Variants in TNIP1 observed in about 807,000 individuals in gnomAD.
The protein encoded by TNIP1 is TNFAIP3-interacting protein 1.
In TNIP1, 22 loss-of-function variants were observed where a neutral mutation model predicts 86.6. The ratio of observed to expected loss-of-function variants is 0.25; its 90% CI spans 0.18 to 0.36. The LOEUF is 0.36. Ranked by LOEUF, TNIP1 falls within the 10% of genes least tolerant of loss-of-function variation. TNIP1 has a pLI of 1.00. For synonymous variants in TNIP1, 294 were observed against 313.0 expected (o/e 0.94, Z 0.64); for missense variants, 709 against 820.6 (o/e 0.86, Z 1.66).
In TNIP1 at chr5:151,033,664, GA is replaced by G; in HGVS notation, c.1722del (p.Met577TrpfsTer38). The G allele has an allele frequency of 7.4e-7, 1 of 1,345,130 alleles. No homozygotes were observed. The highest frequency in any genetic ancestry group is 2.7e-5 in the East Asian group (1 of 36,388). The allele number at this position is 1,345,130 out of a possible 1,614,324, so 83.3% of individuals were successfully genotyped here. On this transcript the variant is annotated frameshift_variant, in exon 16 of 18. Coordinates refer to ENST00000521591, the MANE Select transcript of TNIP1 (RefSeq NM_006058.5). LOFTEE classifies it high-confidence loss of function. Reference protein sequence around the residue: ...FEDWSQIRYPPPPMAMEHPPP... With the variant: ...FEDWSQIRYPXPPMAMEHPPP... ...GGCGGGTGCTCCATGGCCATGGGGG[GA>G]GGGGGGTAGCGGATCTGGGACCAGT... is the stretch of plus-strand genomic sequence containing the variant.
intron 8 of TNIP1, among the ~76,000 whole-genome samples, chr5:151,047,933 G>A (rs753012982): frequency 6.6e-6 from 1 of 151,762 alleles, no homozygotes; most frequent in Non-Finnish European, 1.5e-5. Context: ...TATTCTCAGC[G>A]TTCTCTTTCC....
At chr5:151,035,785 C>T in intron 13 of TNIP1, 78 bp from the exon 14 acceptor site, 1 of 1,572,156 alleles carries the variant, frequency 6.4e-7, no homozygotes, top group South Asian at 1.1e-5. Flanking sequence ...GACTCCCATG[C>T]CTCCTGCTGG....
chr5:151,049,672 G>T, intron 8 of TNIP1, 152 bp downstream of exon 8: 2 of 924,832 alleles, frequency 2.2e-6, no homozygotes, highest in Non-Finnish European at 1.7e-6. Context: ...ATGGAGGTCA[G>T]GCCAAGTAAA....
intron 9 of TNIP1, among the ~76,000 whole-genome samples, chr5:151,043,684 A>C (rs902548905): frequency 3.9e-5 from 6 of 152,060 alleles, no homozygotes; most frequent in Admixed American, 3.9e-4. Context: ...CTGAGATGGG[A>C]GGATCACCTG....
At chr5:151,049,185 G>A (rs72790117) in intron 8 of TNIP1, among the ~76,000 whole-genome samples, 14,868 of 152,174 alleles carry the variant, frequency 0.098, 805 homozygotes, top group Middle Eastern at 0.21. Context: ...GTAAAAACAC[G>A]TTGGTAAAGA....
At chr5:151,071,230 T>TG (rs1561535435) in intron 1 of TNIP1, among the ~76,000 whole-genome samples, 1 of 152,288 alleles carries the variant, frequency 6.6e-6, no homozygotes, top group East Asian at 1.9e-4. Context: ...GACCGCACCC[T>TG]GGCATCCTCA....
intron 14 of TNIP1, 35 bp from the exon 15 acceptor site, chr5:151,035,102 C>T (rs1232090164): frequency 1.9e-6 from 3 of 1,605,506 alleles, no homozygotes; most frequent in Non-Finnish European, 2.6e-6. Flanking sequence ...AGACTGTCGG[C>T]ACAGGTGGTT....
Position 151,030,711 on chromosome 5 carries a change from T to G in TNIP1, c.*2A>C. The G allele has an allele frequency of 6.2e-7, 1 of 1,614,062 alleles. No homozygotes were observed. On this transcript the variant is annotated 3_prime_UTR_variant, in exon 18 of 18. Transcript: ENST00000521591. ...GGTGGAGCCAAATGACACAATCTGG[T>G]CTCACTGAGGCCCCTCACGGTCATT...
In TNIP1 at chr5:151,039,177, C is replaced by A. The variant is rs768942200; in HGVS notation, c.1183G>T (p.Val395Phe). 6 of 1,613,812 alleles carry A rather than the reference C, an allele frequency of 3.7e-6. No homozygotes were observed. In the East Asian group the frequency reaches 1.3e-4, roughly 36 times the overall value. ...TAEAKELRQK[V>F]KYLQDQLSPL... ...CTCAGCTGATCCTGCAGGTACTTGACCTTTTGGCGCAGCTCCTTGGCCTCT... is the reference window on the plus strand; with the variant it reads ...CTCAGCTGATCCTGCAGGTACTTGAACTTTTGGCGCAGCTCCTTGGCCTCT... Residue 395 changes from valine to phenylalanine, a missense_variant, in exon 12 of 18, where the codon GTC (valine) becomes TTC (phenylalanine). By Grantham distance (50) the Val-to-Phe change is conservative (BLOSUM62 -1). Coordinates refer to ENST00000521591, the MANE Select transcript of TNIP1 (RefSeq NM_006058.5).
intron 17 of TNIP1, 99 bp downstream of exon 17, chr5:151,032,188 G>T: frequency 9.6e-7 from 1 of 1,037,782 alleles, no homozygotes; most frequent in South Asian, 1.5e-5. Flanking sequence ...CCTCCACCAA[G>T]AGCAGAAACT....
upstream of TNIP1, among the ~76,000 whole-genome samples, chr5:151,083,345 T>C (rs1047221209): frequency 1.3e-5 from 2 of 152,222 alleles, no homozygotes; most frequent in Non-Finnish European, 2.9e-5. Context: ...AGATGTGGGC[T>C]GCATGCATTG....
intron 4 of TNIP1, among the ~76,000 whole-genome samples, chr5:151,061,649 T>A (rs1761584630): frequency 6.6e-6 from 1 of 152,110 alleles, no homozygotes; most frequent in African/African-American, 2.4e-5. Flanking sequence ...ACCTGACTAC[T>A]TTTTTTCTTA....
At chr5:151,068,915 G>C (rs1338392627) in intron 1 of TNIP1, among the ~76,000 whole-genome samples, 1 of 152,238 alleles carries the variant, frequency 6.6e-6, no homozygotes, top group East Asian at 1.9e-4. Context: ...AGAAACAGCT[G>C]GTGGTATAGA....
rs781180366 is a variant in TNIP1 at position 151,065,030 on chromosome 5, G to A, written c.66C>T (p.Ser22=). 1.1e-5 allele frequency: 18 copies of A among 1,614,080 alleles called. No individual in the cohort carries two copies. The highest frequency in any genetic ancestry group is 8.3e-5 in the Admixed American group (5 of 60,004). The change falls in exon 2 of 18, where the codon TCC becomes TCT. Residue 22 remains serine, a synonymous_variant. Coordinates refer to ENST00000521591, the MANE Select transcript of TNIP1 (RefSeq NM_006058.5). ...CCTTCACTAGGCGCTCAAAAGCTGC[G>A]GATGCCTCTCCTGAGGGCACGCTGC... ...PGGSVPSGEA[S]AAFERLVKEN...
intron 1 of TNIP1, among the ~76,000 whole-genome samples, chr5:151,073,046 AC>A (rs1762988103): frequency 6.6e-6 from 1 of 152,042 alleles, no homozygotes; most frequent in South Asian, 2.1e-4. Context: ...ACATGGCAAA[AC>A]CCAGTCTCTA....
intron 1 of TNIP1, among the ~76,000 whole-genome samples, chr5:151,078,976 C>T (rs1411248792): frequency 6.6e-6 from 1 of 152,170 alleles, no homozygotes; most frequent in Non-Finnish European, 1.5e-5. Flanking sequence ...GACTCAGACC[C>T]CACAGCTTCC....
At chr5:151,063,904 C>T (rs367969319) in intron 2 of TNIP1, among the ~76,000 whole-genome samples, 157 bp from the exon 3 acceptor site, 1 of 152,228 alleles carries the variant, frequency 6.6e-6, no homozygotes, top group East Asian at 1.9e-4. Context: ...GTGGGACAAA[C>T]TCCATGCTGG....
intron 1 of TNIP1, among the ~76,000 whole-genome samples, chr5:151,073,974 A>G (rs1763106906): frequency 6.6e-6 from 1 of 152,226 alleles, no homozygotes. Context: ...ACTGCTCTAC[A>G]GAAGGACCTC....
At chr5:151,077,363 A>T (rs916683175) in intron 1 of TNIP1, among the ~76,000 whole-genome samples, 18 of 152,220 alleles carry the variant, frequency 1.2e-4, no homozygotes, top group African/African-American at 4.1e-4. Flanking sequence ...AGAGCACAGA[A>T]AATCAAACCA....
Sources: gnomAD v4.1 joint callset for allele counts (sites outside exome capture counted in the v4.1 genomes callset) on GRCh38, gnomAD v4.1.1 for gene constraint, MANE v1.5 for transcripts, NCBI Gene and HGNC (gene_info 2026-07-23, HGNC 2026-07-21) for gene names.